The following GKAP1 variants were observed in gnomAD, a reference collection of about 807,000 sequenced individuals.
The protein encoded by GKAP1 is G kinase-anchoring protein 1.
Under a neutral mutation model 56.7 loss-of-function variants are expected in GKAP1, and 31 were observed. The ratio of observed to expected loss-of-function variants is 0.55; its 90% confidence interval spans 0.41 to 0.74. The LOEUF is 0.74. GKAP1 is among the 30% of genes least tolerant of loss of function. The pLI, the probability that GKAP1 is intolerant of heterozygous loss-of-function variation, is 0.00. For synonymous variants in GKAP1, 151 were observed against 138.6 expected, an observed-to-expected ratio of 1.09 and a Z score of -0.63; for missense variants, 364 against 402.3, an observed-to-expected ratio of 0.90 and a Z score of 0.82.
chr9:83,756,488 A>G (rs931940812), intron 8 of GKAP1, among the ~76,000 whole-genome samples: 13 of 146,986 alleles, frequency 8.8e-5, no homozygotes, highest in Admixed American at 2.8e-4. Context: ...AAAAAAAAAA[A>G]AAAAGAAAAC....
Position 83,767,264 on chromosome 9 carries a change from G to GT in GKAP1, c.738+1553dup, listed in dbSNP as rs1943679134. ...TTCTCCCTCAGATAATATATCTTGG[G>GT]TAACACTGGTTTGTAGCAGAGGCTG... On this transcript the variant is annotated intron_variant, in intron 8 of 12. Transcript: ENST00000376371. Among the ~76,000 whole-genome samples the GT allele has an allele frequency of 1.3e-5, 2 of 152,130 alleles. 1 individual carries two copies. Among genetic ancestry groups the GT allele is most frequent in the Admixed American group, 1.3e-4 (2 of 15,262 alleles).
intron 12 of GKAP1, among the ~76,000 whole-genome samples, chr9:83,740,452 A>G (rs1165759680): frequency 6.6e-6 from 1 of 152,166 alleles, no homozygotes; most frequent in Admixed American, 6.5e-5. Flanking sequence ...CAAACATGCA[A>G]AGAATAAAAT....
At chr9:83,776,815 T>G (rs1943870838) in intron 7 of GKAP1, among the ~76,000 whole-genome samples, 1 of 152,250 alleles carries the variant, frequency 6.6e-6, no homozygotes, top group Non-Finnish European at 1.5e-5. Flanking sequence ...TCATTTATCA[T>G]AATTTTAGAA....
At chr9:83,741,416 T>C (rs1053832719) in intron 12 of GKAP1, among the ~76,000 whole-genome samples, 1 of 151,754 alleles carries the variant, frequency 6.6e-6, no homozygotes, top group Non-Finnish European at 1.5e-5. Flanking sequence ...TTTTAATTGC[T>C]TCATCCTGGA....
chr9:83,758,240 T>C (rs561099779), intron 8 of GKAP1, among the ~76,000 whole-genome samples: 1 of 152,156 alleles, frequency 6.6e-6, no homozygotes, highest in Non-Finnish European at 1.5e-5. Flanking sequence ...AAAAATTAAA[T>C]GTATGATCAG....
chr9:83,806,738 A>G (rs1944444977), intron 2 of GKAP1, among the ~76,000 whole-genome samples, 178 bp from the exon 3 acceptor site: 1 of 152,252 alleles, frequency 6.6e-6, no homozygotes, highest in Non-Finnish European at 1.5e-5. Context: ...AGTAAACGAT[A>G]TAACATTTTA....
chr9:83,752,045 AAAATT>A (rs1943399123), intron 9 of GKAP1, among the ~76,000 whole-genome samples: 1 of 152,220 alleles, frequency 6.6e-6, no homozygotes, highest in Admixed American at 6.5e-5. Context: ...CACACAATGA[AAAATT>A]ATTCAGCTAC....
At chr9:83,785,806 A>G (rs1011122276) in intron 5 of GKAP1, among the ~76,000 whole-genome samples, 1 of 152,198 alleles carries the variant, frequency 6.6e-6, no homozygotes, top group African/African-American at 2.4e-5. Flanking sequence ...AAATCAATCT[A>G]AAAGTTAAAA....
chr9:83,760,217 C>T (rs1298549960), intron 8 of GKAP1, among the ~76,000 whole-genome samples: 1 of 152,046 alleles, frequency 6.6e-6, no homozygotes, highest in African/African-American at 2.4e-5. Context: ...GCAGGAGTAG[C>T]TATATTAATA....
chr9:83,763,851 A>C (rs1211684158), intron 8 of GKAP1, among the ~76,000 whole-genome samples: 2 of 152,218 alleles, frequency 1.3e-5, no homozygotes, highest in Non-Finnish European at 2.9e-5. Context: ...GTAATAATCG[A>C]TAAAACTGTT....
intron 4 of GKAP1, among the ~76,000 whole-genome samples, chr9:83,793,435 T>A (rs1435371732): frequency 6.6e-6 from 1 of 152,238 alleles, no homozygotes; most frequent in Non-Finnish European, 1.5e-5. Context: ...GTAGTCTTAT[T>A]GAACATAATT....
intron 8 of GKAP1, among the ~76,000 whole-genome samples, chr9:83,754,274 A>G (rs549916983): frequency 6.6e-6 from 1 of 152,338 alleles, no homozygotes; most frequent in South Asian, 2.1e-4. Flanking sequence ...AATCCCTGTC[A>G]TCTTGCACCA....
Position 83,799,304 on chromosome 9 carries a change from T to C in GKAP1, c.241A>G (p.Ile81Val). ...ACAGCATGGGAGGATTTCTGGGGAA[T>C]TTTCTTAAAAGCAAGATTCCTGAGC... ...NELRNLAFKK[I>V]PQKSSHAVCN... The change falls in exon 4 of 13, where the codon ATT becomes GTT. Residue 81 changes from isoleucine (I) to valine (V), a missense_variant. Ile to Val is a conservative substitution (Grantham distance 29). Transcript: ENST00000376371. 6.3e-7 allele frequency: 1 copy of C among 1,597,578 alleles called. No homozygotes were observed.
chr9:83,806,109 CCT>C (rs1944435947), intron 3 of GKAP1, among the ~76,000 whole-genome samples, 191 bp downstream of exon 3: 2 of 150,898 alleles, frequency 1.3e-5, no homozygotes, highest in South Asian at 4.2e-4. Context: ...AGAGTGAGAC[CCT>C]GTCTCAAAAA....
chr9:83,756,033 G>C (rs1478283390), intron 8 of GKAP1, among the ~76,000 whole-genome samples: 1 of 151,966 alleles, frequency 6.6e-6, no homozygotes, highest in East Asian at 1.9e-4. Flanking sequence ...TTGAACTCCA[G>C]ATCTCAGGCG....
At chr9:83,755,911 T>A (rs1312886448) in intron 8 of GKAP1, among the ~76,000 whole-genome samples, 1 of 151,674 alleles carries the variant, frequency 6.6e-6, no homozygotes, top group African/African-American at 2.4e-5. Context: ...TTCAAGTGAT[T>A]CTCCTGCCTC....
intron 7 of GKAP1, among the ~76,000 whole-genome samples, chr9:83,776,557 T>A (rs1009433441): frequency 6.6e-6 from 1 of 152,082 alleles, no homozygotes; most frequent in Non-Finnish European, 1.5e-5. Context: ...TAGCTGGGCA[T>A]GGTGGTGCAC....
intron 3 of GKAP1, 41 bp downstream of exon 3, chr9:83,806,261 C>T: frequency 1.5e-6 from 2 of 1,291,096 alleles, no homozygotes; most frequent in Non-Finnish European, 2.2e-6. Flanking sequence ...AGGATGATTA[C>T]CATCTACTGG....
chr9:83,806,320 T>C lies in GKAP1; in HGVS notation c.198A>G (p.Gln66=). 1 of 1,550,144 alleles carries C rather than the reference T, an allele frequency of 6.5e-7. No individual in the cohort carries two copies. Among genetic ancestry groups the C allele is most frequent in the Non-Finnish European group, 8.7e-7 (1 of 1,146,150 alleles). ...REKRRKKKEQ[Q]QSEANELRNL... is the part of the protein sequence containing the mutation. ...GTGTTACCTCATTTGCTTCACTCTG[T>C]TGCTGTTCCTTCTTTTTTCTTCTTT... The change falls in exon 3 of 13, where the codon CAA becomes CAG. Residue 66 remains glutamine, a synonymous_variant. Transcript: ENST00000376371.
Sources: gnomAD v4.1 joint callset for allele counts (sites outside exome capture counted in the v4.1 genomes callset) on GRCh38, gnomAD v4.1.1 for gene constraint, MANE v1.5 for transcripts, NCBI Gene and HGNC (gene_info 2026-07-23, HGNC 2026-07-21) for gene names.